CKAP5: variants seen among roughly 807,000 people sequenced by gnomAD.
CKAP5 encodes cytoskeleton associated protein 5, also known as cytoskeleton-associated protein 5.
Under a neutral mutation model 232.8 loss-of-function variants are expected in CKAP5, and 27 were observed. The observed-to-expected ratio is 0.12, with a 90% CI of 0.09 to 0.16. The LOEUF (loss-of-function observed/expected upper bound fraction) is 0.16. Among genes scored for constraint, CKAP5 ranks in the 10% least tolerant of loss-of-function variants. The pLI, the probability that CKAP5 is intolerant of heterozygous loss-of-function variation, is 1.00. For missense variants in CKAP5, 1,838 were observed against 2,424.7 expected (o/e 0.76, Z 5.08); for synonymous variants, 785 against 841.1 (o/e 0.93, Z 1.16).
chr11:46,798,284 C>A, intron 9 of CKAP5, 112 bp from the exon 10 acceptor site: 1 of 792,624 alleles, frequency 1.3e-6, no homozygotes, highest in Non-Finnish European at 2.0e-6. Flanking sequence ...AAAAAAAAAG[C>A]CAGTCACAGG....
intron 1 of CKAP5, among the ~76,000 whole-genome samples, chr11:46,836,280 C>T (rs1185633561): frequency 2.0e-5 from 3 of 152,234 alleles, no homozygotes; most frequent in African/African-American, 4.8e-5. Context: ...AGGAATCCTA[C>T]ACATCATCTT....
Position 46,809,470 on chromosome 11 carries a change from A to G in CKAP5, c.794T>C (p.Ile265Thr). The change falls in exon 7 of 44, where the codon ATA becomes ACA. Residue 265 changes from isoleucine to threonine, a missense_variant. Ile to Thr is a moderately conservative substitution (Grantham distance 89). Coordinates refer to ENST00000529230, the MANE Select transcript of CKAP5 (RefSeq NM_001008938.4). ...AGCTTCTAAAAGCTCATAAGCATCT[A>G]TTTGTGGCACCTCATCACCATCATC... is the stretch of plus-strand genomic sequence containing the variant. ...GGDDGDEVPQ[I>T]DAYELLEAVE... 6.2e-7 allele frequency: 1 copy of G among 1,613,576 alleles called. No homozygotes were observed. Among genetic ancestry groups the G allele is most frequent in the Non-Finnish European group, 8.5e-7 (1 of 1,179,704 alleles).
At chr11:46,835,175 G>C (rs1939886650) in intron 1 of CKAP5, among the ~76,000 whole-genome samples, 1 of 151,886 alleles carries the variant, frequency 6.6e-6, no homozygotes. Flanking sequence ...ATCTGTTTGA[G>C]AGAAGTCAAT....
At chr11:46,757,694 T>TC (rs2065121163) in intron 35 of CKAP5, among the ~76,000 whole-genome samples, 1 of 149,948 alleles carries the variant, frequency 6.7e-6, no homozygotes, top group Non-Finnish European at 1.5e-5. Flanking sequence ...TTAAAGTGAT[T>TC]CTCCTGCCTC....
In CKAP5 at chr11:46,776,398, T is replaced by C. The variant is rs2065291732; in HGVS notation, c.2863-15A>G. 4.4e-6 allele frequency: 7 copies of C among 1,601,150 alleles called. No individual in the cohort carries two copies. Among genetic ancestry groups the C allele is most frequent in the Non-Finnish European group, 6.0e-6 (7 of 1,173,900 alleles). ...CGAACATTGTTCTAAATGGAGAAGA[T>C]AATCAGCAAAAATAATATCTACTAC... On this transcript the variant is annotated splice_polypyrimidine_tract_variant and intron_variant, in intron 23 of 43. Coordinates refer to ENST00000529230, the MANE Select transcript of CKAP5 (RefSeq NM_001008938.4).
In CKAP5 at chr11:46,751,456, T is replaced by C; in HGVS notation, c.5212A>G (p.Ile1738Val). 1 of 1,614,056 alleles carries C rather than the reference T, an allele frequency of 6.2e-7. No individual in the cohort carries two copies. Among genetic ancestry groups the C allele is most frequent in the African/African-American group, 1.3e-5 (1 of 75,006 alleles). Residue 1738 changes from isoleucine (I) to valine (V), a missense_variant, in exon 39 of 44, where the codon ATT (isoleucine) becomes GTT (valine). Physicochemically the swap from Ile to Val is conservative, Grantham distance 29. This residue lies in a region of CKAP5 where 579 missense variants were observed against 843.2 expected (regional missense o/e 0.69). Transcript: ENST00000529230. The stretch of plus-strand genomic sequence containing the variant: ...TCTTTGGGGAAGACCTTCATGAAAA[T>C]GTGGATATCCAGAAGAATTCTGTCT... The part of the protein sequence containing the change: ...NLDRILLDIH[I>V]FMKVFPKEKL...
intron 5 of CKAP5, among the ~76,000 whole-genome samples, 182 bp downstream of exon 5, chr11:46,810,825 A>C (rs1939258415): frequency 6.6e-6 from 1 of 152,240 alleles, no homozygotes. Context: ...TGTACTTCAC[A>C]CAGATAATAA....
chr11:46,802,701 A>T (rs904411004), intron 8 of CKAP5, among the ~76,000 whole-genome samples: 2 of 152,010 alleles, frequency 1.3e-5, no homozygotes, highest in African/African-American at 4.8e-5. Flanking sequence ...GTCTACTTTG[A>T]ATTTTATCTA....
chr11:46,796,112 C>T (rs1209654400), intron 12 of CKAP5, among the ~76,000 whole-genome samples: 1 of 143,544 alleles, frequency 7.0e-6, no homozygotes, highest in East Asian at 2.1e-4. Flanking sequence ...TTGCAGTAAG[C>T]TGAGATTGTG....
chr11:46,810,333 T>C (rs898087883), intron 5 of CKAP5, among the ~76,000 whole-genome samples: 4 of 152,062 alleles, frequency 2.6e-5, no homozygotes, highest in Admixed American at 1.3e-4. Flanking sequence ...CATTCATTCA[T>C]TGAGAGACAG....
At chr11:46,813,314 C>T (rs935150201) in intron 4 of CKAP5, among the ~76,000 whole-genome samples, 5 of 151,842 alleles carry the variant, frequency 3.3e-5, no homozygotes, top group Non-Finnish European at 5.9e-5. Context: ...TAACATGGTG[C>T]CTGAAGAACC....
Position 46,776,248 on chromosome 11 carries a change from T to C in CKAP5, c.2991+7A>G, listed in dbSNP as rs1401037618. ...AGTAATGCACATGATTAATTTATGATACTAACCTCTTGCCTCAAGAAAGGA... is the reference window on the plus strand; with the variant it reads ...AGTAATGCACATGATTAATTTATGACACTAACCTCTTGCCTCAAGAAAGGA... On this transcript the variant is annotated splice_region_variant and intron_variant, in intron 24 of 43. Transcript: ENST00000529230. The C allele has an allele frequency of 6.2e-7, 1 of 1,613,244 alleles. No individual in the cohort carries two copies.
At chr11:46,829,960 G>C (rs906349843) in intron 1 of CKAP5, among the ~76,000 whole-genome samples, 2 of 151,790 alleles carry the variant, frequency 1.3e-5, no homozygotes, top group Non-Finnish European at 2.9e-5. Context: ...TAATCCCTGG[G>C]ACTTGTAAAT....
chr11:46,828,488 G>C (rs1252578189), intron 1 of CKAP5, among the ~76,000 whole-genome samples: 1 of 152,188 alleles, frequency 6.6e-6, no homozygotes, highest in East Asian at 1.9e-4. Flanking sequence ...AGTTCCTCAA[G>C]GGCAAGGGCT....
At chr11:46,814,120 A>C (rs1002109593) in intron 4 of CKAP5, among the ~76,000 whole-genome samples, 4 of 127,390 alleles carry the variant, frequency 3.1e-5, no homozygotes, top group Admixed American at 9.0e-5. Flanking sequence ...TGACAGAGCG[A>C]GACCTTGTCT....
At chr11:46,778,661 TAG>T in intron 20 of CKAP5, 62 bp from the exon 21 acceptor site, 4 of 1,388,288 alleles carry the variant, frequency 2.9e-6, no homozygotes, top group Non-Finnish European at 3.0e-6. Flanking sequence ...ACAAACAAAT[TAG>T]AGAGGGTGCC....
intron 36 of CKAP5, 94 bp from the exon 37 acceptor site, chr11:46,753,591 T>A (rs2065086542): frequency 2.0e-6 from 2 of 1,010,728 alleles, no homozygotes; most frequent in African/African-American, 3.3e-5. Flanking sequence ...TCAATTATGT[T>A]GTATTTTTTT....
chr11:46,759,794 A>T (rs2065140634), intron 33 of CKAP5, among the ~76,000 whole-genome samples: 1 of 152,214 alleles, frequency 6.6e-6, no homozygotes, highest in Non-Finnish European at 1.5e-5. Flanking sequence ...TTATGAGCAA[A>T]TATATAAGAA....
At chr11:46,756,690 GTC>G (rs2065112739) in intron 35 of CKAP5, among the ~76,000 whole-genome samples, 1 of 151,780 alleles carries the variant, frequency 6.6e-6, no homozygotes, top group Non-Finnish European at 1.5e-5. Flanking sequence ...TACCTGTCAT[GTC>G]TCTCAGTCTC....
Sources: gnomAD v4.1 joint callset for allele counts (sites outside exome capture counted in the v4.1 genomes callset) on GRCh38, gnomAD v4.1.1 for gene constraint, gnomAD v4.1.1 regional missense constraint, MANE v1.5 for transcripts, NCBI Gene and HGNC (gene_info 2026-07-23, HGNC 2026-07-21) for gene names.